Variants in STRN observed in about 807,000 individuals in gnomAD.
The protein encoded by STRN is protein phosphatase 2 regulatory subunit B'''alpha.
Under a neutral mutation model 96.3 loss-of-function variants are expected in STRN, and 53 were observed. The observed-to-expected ratio is 0.55, with a 90% CI of 0.44 to 0.69. STRN has a LOEUF of 0.69. STRN is among the 30% of genes least tolerant of loss of function. STRN has a pLI of 0.00. For missense variants in STRN, 987 were observed against 963.9 expected, an observed-to-expected ratio of 1.02 and a Z score of -0.32; for synonymous variants, 428 against 355.9, an observed-to-expected ratio of 1.20 and a Z score of -2.28.
intron 14 of STRN, 144 bp downstream of exon 14, chr2:36,857,712 G>A: frequency 1.5e-6 from 1 of 675,790 alleles, no homozygotes; most frequent in Non-Finnish European, 2.3e-6. Context: ...ATATAGGTTG[G>A]AAATTCAAAC....
intron 1 of STRN, among the ~76,000 whole-genome samples, chr2:36,962,409 T>C (rs1665049881): frequency 6.6e-6 from 1 of 152,172 alleles, no homozygotes; most frequent in Non-Finnish European, 1.5e-5. Context: ...TTTATTTACA[T>C]GCCTGCTTTC....
intron 1 of STRN, among the ~76,000 whole-genome samples, chr2:36,948,429 G>C (rs1572695647): frequency 1.3e-5 from 2 of 151,946 alleles, no homozygotes; most frequent in East Asian, 1.9e-4. Context: ...TCAGCCAAAA[G>C]GTATCATCTA....
At position 36,841,025 on chromosome 2, in the gene STRN, C is replaced by T. The variant is rs1667938547; in HGVS notation, c.*8431G>A. ...GGACACCTCAAGGGCACAAAATTGC[C>T]TGGAACTACAACCTTCAAGTTCAAA... On this transcript the variant is annotated 3_prime_UTR_variant, in exon 18 of 18. Transcript: ENST00000263918. 6.6e-6 allele frequency: 1 copy of T among 152,154 alleles called. No homozygotes were observed. The highest frequency in any genetic ancestry group is 2.4e-5 in the African/African-American group (1 of 41,442). The allele number at this position is 152,154 out of a possible 1,614,324, so 9.4% of individuals were successfully genotyped here.
In STRN at chr2:36,842,604, A is replaced by C. The variant is rs529327227; in HGVS notation, c.*6852T>G. Reference sequence around the variant, plus strand: ...ATTGCAGACTTTGCTCACCCAAATAATGACTTCCAATCTAACTGAAACTAC... The same window carrying C: ...ATTGCAGACTTTGCTCACCCAAATACTGACTTCCAATCTAACTGAAACTAC... On this transcript the variant is annotated 3_prime_UTR_variant, in exon 18 of 18. Transcript: ENST00000263918. The C allele has an allele frequency of 3.3e-5, 5 of 152,300 alleles. No homozygotes were observed. Among genetic ancestry groups the C allele is most frequent in the South Asian group, 4.1e-4 (2 of 4,828 alleles). The allele number at this position is 152,300 out of a possible 1,614,324, so 9.4% of individuals were successfully genotyped here.
chr2:36,933,083 CACAT>C lies in STRN; in HGVS notation c.235-7879_235-7876del, dbSNP rs988780080. Among the ~76,000 whole-genome samples the C allele has an allele frequency of 1.2e-4, 18 of 151,512 alleles. No individual in the cohort carries two copies. In the East Asian group the frequency reaches 2.1e-3, roughly 18 times the overall value. The stretch of plus-strand genomic sequence containing the variant: ...TTACACACACACACACACACACACA[CACAT>C]ATATATGCAGTTAGCCCTTCATATC... On this transcript the variant is annotated intron_variant, in intron 1 of 17. Transcript: ENST00000263918.
chr2:36,922,925 C>G (rs946388457), intron 2 of STRN, among the ~76,000 whole-genome samples: 18 of 152,086 alleles, frequency 1.2e-4, no homozygotes, highest in South Asian at 2.1e-4. Flanking sequence ...AGGCGGATCA[C>G]GAAGTCAAGA....
chr2:36,958,274 C>A (rs1445580999), intron 1 of STRN, among the ~76,000 whole-genome samples: 1 of 152,004 alleles, frequency 6.6e-6, no homozygotes, highest in Non-Finnish European at 1.5e-5. Flanking sequence ...ACTAAGGATA[C>A]AAGGGAACAC....
chr2:36,895,640 G>A (rs1254796748), intron 6 of STRN, among the ~76,000 whole-genome samples: 2 of 151,840 alleles, frequency 1.3e-5, no homozygotes, highest in East Asian at 1.9e-4. Context: ...GGCCAGGTAC[G>A]GTGGCTCATG....
Position 36,966,349 on chromosome 2 carries a change from C to T in STRN, c.115G>A (p.Ala39Thr). Residue 39 changes from alanine to threonine, a missense_variant, in exon 1 of 18, where the codon GCG becomes ACG. By Grantham distance (58) the Ala-to-Thr change is moderately conservative. Transcript: ENST00000263918. The stretch of plus-strand genomic sequence containing the variant: ...TACTGGGCTCGGGCCGCCCCCGCCG[C>T]AGCCGCCCCGTCGCCGGCCGCGGCA... Reference protein sequence around the residue: ...EAAAAGDGAAAAGAARAQYSL... With the variant: ...EAAAAGDGAATAGAARAQYSL... 1 of 1,481,290 alleles carries T rather than the reference C, an allele frequency of 6.8e-7. No individual in the cohort carries two copies. Among genetic ancestry groups the T allele is most frequent in the Non-Finnish European group, 8.9e-7 (1 of 1,118,080 alleles). The allele number at this position is 1,481,290 out of a possible 1,614,324, so 91.8% of individuals were successfully genotyped here.
chr2:36,883,672 A>G (rs1669137507), intron 9 of STRN, among the ~76,000 whole-genome samples: 1 of 152,214 alleles, frequency 6.6e-6, no homozygotes, highest in African/African-American at 2.4e-5. Context: ...ATATAGGGCC[A>G]TGGGCATCAG....
rs1668207986 is a variant in STRN, at chr2:36,851,054, T to C, written c.2032A>G (p.Ile678Val). Residue 678 changes from isoleucine to valine, a missense_variant, in exon 16 of 18, where the codon ATC becomes GTC. Coordinates refer to ENST00000263918, the MANE Select transcript of STRN (RefSeq NM_003162.4). ...NRVISHPTLP[I>V]SITAHEDRHI... ...CTGTCTTCATGAGCAGTGATGCTGA[T>C]CGGAAGAGTAGGATGACTGATGACT... is the stretch of plus-strand genomic sequence containing the variant. 6.2e-7 allele frequency: 1 copy of C among 1,613,750 alleles called. No individual in the cohort carries two copies. Among genetic ancestry groups the C allele is most frequent in the Non-Finnish European group, 8.5e-7 (1 of 1,179,922 alleles).
intron 7 of STRN, among the ~76,000 whole-genome samples, chr2:36,889,836 A>T (rs1004923786): frequency 1.3e-5 from 2 of 152,168 alleles, no homozygotes; most frequent in Non-Finnish European, 2.9e-5. Context: ...CATGCTCACT[A>T]ACAGAACTAT....
In STRN at chr2:36,846,376, G is replaced by T. The variant is rs1668073453; in HGVS notation, c.*3080C>A. 1 of 87,248 alleles carries T rather than the reference G, an allele frequency of 1.1e-5. No individual in the cohort carries two copies. The allele number at this position is 87,248 out of a possible 1,614,324, so 5.4% of individuals were successfully genotyped here. On this transcript the variant is annotated 3_prime_UTR_variant, in exon 18 of 18. Transcript: ENST00000263918. ...AAATGAAAATACAAAACAGTAAAAT[G>T]CACCTATGGTTTATATATATATATA...
At chr2:36,953,142 G>C (rs1238270436) in intron 1 of STRN, among the ~76,000 whole-genome samples, 2 of 152,108 alleles carry the variant, frequency 1.3e-5, no homozygotes, top group African/African-American at 2.4e-5. Context: ...CCCTTTCCTT[G>C]AATCTTTCTG....
intron 4 of STRN, among the ~76,000 whole-genome samples, chr2:36,905,039 G>A (rs1051716777): frequency 6.7e-6 from 1 of 149,684 alleles, no homozygotes; most frequent in Non-Finnish European, 1.5e-5. Context: ...GCGCGATCTC[G>A]GCTCACTGCA....
intron 1 of STRN, among the ~76,000 whole-genome samples, chr2:36,959,341 C>T (rs1407222456): frequency 1.3e-5 from 2 of 152,100 alleles, no homozygotes; most frequent in African/African-American, 4.8e-5. Context: ...TCTGAAAGGG[C>T]TTTAAAGAAA....
At chr2:36,959,064 C>G (rs778560198) in intron 1 of STRN, among the ~76,000 whole-genome samples, 1 of 152,002 alleles carries the variant, frequency 6.6e-6, no homozygotes, top group Non-Finnish European at 1.5e-5. Flanking sequence ...TGCAGTGAGC[C>G]GAGATTGTGC....
intron 7 of STRN, among the ~76,000 whole-genome samples, chr2:36,888,812 C>G (rs1047552338): frequency 3.9e-5 from 6 of 152,120 alleles, no homozygotes; most frequent in African/African-American, 1.2e-4. Context: ...CTGCAAGTAG[C>G]TGGGACAACA....
intron 7 of STRN, among the ~76,000 whole-genome samples, chr2:36,889,281 T>C (rs1325953633): frequency 6.6e-6 from 1 of 152,212 alleles, no homozygotes; most frequent in Non-Finnish European, 1.5e-5. Flanking sequence ...TTTAGAAAAC[T>C]GTTTCCTGGG....
Sources: gnomAD v4.1 joint callset for allele counts (sites outside exome capture counted in the v4.1 genomes callset) on GRCh38, gnomAD v4.1.1 for gene constraint, MANE v1.5 for transcripts, NCBI Gene and HGNC (gene_info 2026-07-23, HGNC 2026-07-21) for gene names.